The following MALRD1 variants were observed in gnomAD, a reference collection of about 807,000 sequenced individuals.
MALRD1 encodes MAM and LDL-receptor class A domain-containing protein 1.
A neutral mutation model predicts 242.1 loss-of-function variants in MALRD1; 247 were observed. The ratio of observed to expected loss-of-function variants is 1.02; its 90% CI spans 0.92 to 1.13. The LOEUF (loss-of-function observed/expected upper bound fraction) is 1.13, where lower values mean the gene tolerates loss of function less well. MALRD1 is among the 50% of genes most tolerant of loss of function. MALRD1 has a pLI of 0.00. For missense variants in MALRD1, 2,989 were observed against 2,533.1 expected (o/e 1.18, Z -3.86); for synonymous variants, 995 against 866.6 (o/e 1.15, Z -2.60).
chr10:19,163,059 G>C (rs1258832182), intron 12 of MALRD1, among the ~76,000 whole-genome samples: 1 of 138,396 alleles, frequency 7.2e-6, no homozygotes, highest in Non-Finnish European at 1.5e-5. Context: ...AATTACCTGA[G>C]CTCAGGAGTT....
chr10:19,251,906 TC>T (rs1038136105), intron 18 of MALRD1, among the ~76,000 whole-genome samples: 1 of 151,818 alleles, frequency 6.6e-6, no homozygotes, highest in Non-Finnish European at 1.5e-5. Flanking sequence ...TGTTGCACTT[TC>T]CCCCTTTCCC....
chr10:19,066,445 A>C (rs1006780805), intron 1 of MALRD1, among the ~76,000 whole-genome samples: 42 of 152,226 alleles, frequency 2.8e-4, no homozygotes, highest in African/African-American at 9.2e-4. Flanking sequence ...ACAGTTAGTT[A>C]ATAAGAATCA....
chr10:19,443,841 T>C (rs1834807287), intron 28 of MALRD1, among the ~76,000 whole-genome samples: 1 of 152,238 alleles, frequency 6.6e-6, no homozygotes, highest in Non-Finnish European at 1.5e-5. Context: ...TTACATCCAC[T>C]TGGTGCACAG....
chr10:19,182,237 A>G (rs1588663897), intron 14 of MALRD1, among the ~76,000 whole-genome samples: 1 of 148,410 alleles, frequency 6.7e-6, no homozygotes, highest in African/African-American at 2.5e-5. Context: ...AAGAGGTACT[A>G]TTTTCCTCAT....
At chr10:19,647,843 A>T (rs1303572611) in intron 36 of MALRD1, among the ~76,000 whole-genome samples, 1 of 152,138 alleles carries the variant, frequency 6.6e-6, no homozygotes, top group Non-Finnish European at 1.5e-5. Flanking sequence ...AACTAGGCAA[A>T]ATACATGACA....
In MALRD1 at chr10:19,176,939, A is replaced by G. The variant is rs542210061; in HGVS notation, c.1951+1611A>G. On this transcript the variant is annotated intron_variant, in intron 14 of 39. Coordinates refer to ENST00000454679, the MANE Select transcript of MALRD1 (RefSeq NM_001142308.3). ...GCACATGTGTGTATGATTCTGATAG[A>G]CACCGAGGAGTGCAGAGCAGCAGAT... 3.3e-5 allele frequency among the ~76,000 whole-genome samples: 5 copies of G among 151,864 alleles called. No homozygotes were observed. The South Asian group carries it at 1.0e-3, about 32-fold the overall frequency.
At chr10:19,227,864 A>G (rs573834063) in intron 18 of MALRD1, among the ~76,000 whole-genome samples, 3 of 152,198 alleles carry the variant, frequency 2.0e-5, no homozygotes, top group African/African-American at 7.2e-5. Flanking sequence ...AAATGAAAAG[A>G]TACTTGACAT....
intron 19 of MALRD1, among the ~76,000 whole-genome samples, chr10:19,275,461 G>C (rs893186766): frequency 6.6e-5 from 10 of 152,138 alleles, no homozygotes; most frequent in Non-Finnish European, 1.3e-4. Flanking sequence ...GAGGTCAGGA[G>C]ATCAAGACCA....
intron 29 of MALRD1, among the ~76,000 whole-genome samples, chr10:19,482,855 A>C (rs1420911885): frequency 6.6e-6 from 1 of 152,152 alleles, no homozygotes; most frequent in Non-Finnish European, 1.5e-5. Context: ...TATCATTAAA[A>C]TGGCCATACT....
intron 36 of MALRD1, among the ~76,000 whole-genome samples, chr10:19,646,967 G>A (rs1564513673): frequency 1.3e-5 from 2 of 152,150 alleles, no homozygotes; most frequent in East Asian, 1.9e-4. Flanking sequence ...AGACCTATGA[G>A]AGGTAATTGA....
chr10:19,707,132 T>A (rs914168641), intron 38 of MALRD1, among the ~76,000 whole-genome samples: 1 of 151,004 alleles, frequency 6.6e-6, no homozygotes, highest in African/African-American at 2.4e-5. Context: ...CCTTTCTTCT[T>A]CTTCCTTCTC....
At chr10:19,568,023 C>T (rs893487583) in intron 33 of MALRD1, among the ~76,000 whole-genome samples, 1 of 152,150 alleles carries the variant, frequency 6.6e-6, no homozygotes, top group Admixed American at 6.6e-5. Flanking sequence ...AGGCAAAGGC[C>T]CCTGTGGCTA....
At chr10:19,390,076 A>G (rs1049446458) in intron 28 of MALRD1, among the ~76,000 whole-genome samples, 5 of 152,184 alleles carry the variant, frequency 3.3e-5, no homozygotes, top group Non-Finnish European at 7.3e-5. Flanking sequence ...TGGTAAGCTG[A>G]GACATGAGAA....
At chr10:19,366,855 A>G (rs1845131132) in intron 26 of MALRD1, among the ~76,000 whole-genome samples, 1 of 152,114 alleles carries the variant, frequency 6.6e-6, no homozygotes. Flanking sequence ...TCTCACTGGC[A>G]AATTTCAGTG....
chr10:19,564,054 G>A (rs1836145511), intron 32 of MALRD1, among the ~76,000 whole-genome samples: 1 of 152,198 alleles, frequency 6.6e-6, no homozygotes, highest in African/African-American at 2.4e-5. Flanking sequence ...TGCTGGTGCT[G>A]TGCTTCCTGG....
At chr10:19,558,140 T>A (rs1475281561) in intron 32 of MALRD1, among the ~76,000 whole-genome samples, 1 of 152,092 alleles carries the variant, frequency 6.6e-6, no homozygotes, top group Admixed American at 6.5e-5. Context: ...TTCCAGGAAG[T>A]TTTTTGGTTG....
intron 19 of MALRD1, among the ~76,000 whole-genome samples, chr10:19,270,775 A>C (rs1169205427): frequency 2.0e-5 from 3 of 149,520 alleles, no homozygotes; most frequent in Non-Finnish European, 3.0e-5. Context: ...AAACTTTTTC[A>C]GGAAAGAGGG....
chr10:19,617,713 C>T (rs1040914352), intron 36 of MALRD1, among the ~76,000 whole-genome samples: 2 of 152,064 alleles, frequency 1.3e-5, no homozygotes, highest in South Asian at 2.1e-4. Flanking sequence ...CACAAGCACA[C>T]ATACACACAC....
chr10:19,450,480 C>T lies in MALRD1; in HGVS notation c.5019C>T (p.Asn1673=). 1 of 1,546,306 alleles carries T rather than the reference C, an allele frequency of 6.5e-7. No homozygotes were observed. The highest frequency in any genetic ancestry group is 8.7e-7 in the Non-Finnish European group (1 of 1,145,054). The change falls in exon 29 of 40, where the codon AAC becomes AAT. Residue 1673 remains asparagine, a synonymous_variant. Coordinates refer to ENST00000454679, the MANE Select transcript of MALRD1 (RefSeq NM_001142308.3). ...GAAIDDIEFK[N]CTTVGEISEL... is the part of the protein sequence containing the mutation. Reference sequence around the variant, plus strand: ...CAATTGATGATATTGAATTTAAAAACTGCACAACTGGTAAGTTTCCAGAAA... The same window carrying T: ...CAATTGATGATATTGAATTTAAAAATTGCACAACTGGTAAGTTTCCAGAAA...
Sources: allele counts gnomAD v4.1 joint callset (sites outside exome capture counted in the v4.1 genomes callset), GRCh38; gene constraint gnomAD v4.1.1; transcripts MANE v1.5; gene names NCBI Gene and HGNC (gene_info 2026-07-23, HGNC 2026-07-21).